The following SCTR variants were observed in gnomAD, a reference collection of about 807,000 sequenced individuals.
SCTR encodes pancreatic secretin receptor.
In SCTR, 56 loss-of-function variants were observed where a neutral mutation model predicts 60.8. The observed-to-expected ratio is 0.92, with a 90% CI of 0.74 to 1.15. The LOEUF (loss-of-function observed/expected upper bound fraction) is 1.15. Ranked by LOEUF, SCTR falls within the 50% of genes most tolerant of loss-of-function variation. SCTR has a pLI of 0.00. For missense variants in SCTR, 562 were observed against 550.4 expected, an observed-to-expected ratio of 1.02 and a Z score of -0.21; for synonymous variants, 202 against 217.0, an observed-to-expected ratio of 0.93 and a Z score of 0.61.
intron 2 of SCTR, chr2:119,485,926 T>C (rs1558867022): frequency 6.6e-6 from 1 of 152,418 alleles, no homozygotes; most frequent in African/African-American, 2.4e-5. Context: ...GGCTCAGCCA[T>C]GGCCCCAGCC....
At chr2:119,462,885 A>G (rs1683672617) in intron 6 of SCTR, among the ~76,000 whole-genome samples, 1 of 152,218 alleles carries the variant, frequency 6.6e-6, no homozygotes, top group Admixed American at 6.5e-5. Flanking sequence ...AATGTTTAGT[A>G]AAACCTGAGA....
chr2:119,466,401 T>C (rs1683835914), intron 4 of SCTR, among the ~76,000 whole-genome samples: 1 of 152,168 alleles, frequency 6.6e-6, no homozygotes, highest in South Asian at 2.1e-4. Context: ...GGCCTGCCAT[T>C]TTTTAATACA....
At chr2:119,452,190 G>A in intron 8 of SCTR, 111 bp from the exon 9 acceptor site, 1 of 687,132 alleles carries the variant, frequency 1.5e-6, no homozygotes, top group South Asian at 1.7e-5. Context: ...CTGTGTTTGT[G>A]GCACTGAGCC....
intron 3 of SCTR, among the ~76,000 whole-genome samples, chr2:119,477,236 G>T (rs1049232716): frequency 2.0e-5 from 3 of 152,152 alleles, no homozygotes; most frequent in African/African-American, 7.2e-5. Context: ...AGTTCTAGCC[G>T]AGGGAATGTG....
In SCTR at chr2:119,524,231, C is replaced by T; in HGVS notation, c.-5G>A. On this transcript the variant is annotated 5_prime_UTR_variant, in exon 1 of 13. Coordinates refer to ENST00000019103, the MANE Select transcript of SCTR (RefSeq NM_002980.3). ...CGGCGACAGGTGGGGACGCATGGTG[C>T]CCGCACGTTCCCCGAGGGCGCCCCG... 1.4e-6 allele frequency: 2 copies of T among 1,454,128 alleles called. No homozygotes were observed. The highest frequency in any genetic ancestry group is 3.0e-5 in the African/African-American group (2 of 67,782). The allele number at this position is 1,454,128 out of a possible 1,614,324, so 90.1% of individuals were successfully genotyped here.
chr2:119,510,465 G>A (rs906837063), intron 1 of SCTR, among the ~76,000 whole-genome samples: 2 of 152,060 alleles, frequency 1.3e-5, no homozygotes, highest in Non-Finnish European at 2.9e-5. Flanking sequence ...TGGCTCCTTG[G>A]AGCAACCACC....
chr2:119,450,047 GAAAA>G (rs202085845), intron 9 of SCTR, among the ~76,000 whole-genome samples: 3 of 117,058 alleles, frequency 2.6e-5, no homozygotes, highest in South Asian at 2.6e-4. Context: ...AAGGAAGAAA[GAAAA>G]AAGAAAGAAA....
intron 4 of SCTR, among the ~76,000 whole-genome samples, chr2:119,473,207 G>A (rs543678156): frequency 2.0e-5 from 3 of 152,264 alleles, no homozygotes; most frequent in East Asian, 1.9e-4. Context: ...GGTGGTATGC[G>A]ACAGTTCCTA....
At chr2:119,446,474 T>G (rs1682931381) in intron 11 of SCTR, among the ~76,000 whole-genome samples, 1 of 152,180 alleles carries the variant, frequency 6.6e-6, no homozygotes, top group Admixed American at 6.6e-5. Flanking sequence ...ACCATGTATA[T>G]GTTATTGAGA....
chr2:119,495,747 C>T (rs185626971), intron 1 of SCTR, among the ~76,000 whole-genome samples: 36 of 152,262 alleles, frequency 2.4e-4, no homozygotes, highest in Non-Finnish European at 4.7e-4. Flanking sequence ...CTCCTCTCCC[C>T]GACTCCATGA....
intron 4 of SCTR, among the ~76,000 whole-genome samples, chr2:119,468,726 G>C (rs539715809): frequency 1.3e-5 from 2 of 152,206 alleles, no homozygotes; most frequent in Non-Finnish European, 2.9e-5. Context: ...AGCTGGCCAC[G>C]TGGGAATGTT....
intron 4 of SCTR, 91 bp downstream of exon 4, chr2:119,473,362 C>G: frequency 1.2e-6 from 1 of 850,186 alleles, no homozygotes; most frequent in Non-Finnish European, 2.0e-6. Context: ...CCTGTGCCAC[C>G]CTGTCCTCTC....
At chr2:119,489,677 G>A (rs781180623) in intron 2 of SCTR, among the ~76,000 whole-genome samples, 8 of 152,198 alleles carry the variant, frequency 5.3e-5, no homozygotes, top group Admixed American at 2.0e-4. Flanking sequence ...GGAAGAAGAT[G>A]GAGAATGGTG....
chr2:119,479,184 C>T (rs1217952950), intron 2 of SCTR: 13 of 978,808 alleles, frequency 1.3e-5, no homozygotes, highest in African/African-American at 1.7e-5. Flanking sequence ...AGAAGGAAGG[C>T]GCCCTCTCCT....
chr2:119,451,013 T>A (rs1175269698), intron 9 of SCTR, among the ~76,000 whole-genome samples: 2 of 151,944 alleles, frequency 1.3e-5, no homozygotes, highest in Non-Finnish European at 2.9e-5. Context: ...TTTGCTCAGA[T>A]TATGTAATTA....
At chr2:119,500,348 T>A (rs906089169) in intron 1 of SCTR, among the ~76,000 whole-genome samples, 4 of 152,172 alleles carry the variant, frequency 2.6e-5, no homozygotes, top group Non-Finnish European at 5.9e-5. Context: ...AACTACCATA[T>A]GATCCAGGAA....
At chr2:119,479,066 A>G (rs1677478162) in intron 2 of SCTR, 148 bp from the exon 3 acceptor site, 4 of 1,470,174 alleles carry the variant, frequency 2.7e-6, no homozygotes, top group African/African-American at 1.4e-5. Context: ...CCTCAGGATC[A>G]GGAACCTATC....
chr2:119,510,718 TA>T (rs944193029), intron 1 of SCTR, among the ~76,000 whole-genome samples: 4 of 146,080 alleles, frequency 2.7e-5, no homozygotes, highest in African/African-American at 1.1e-4. Context: ...TCATTTTTTT[TA>T]AATCCCTTTA....
chr2:119,471,451 A>G (rs1215802612), intron 4 of SCTR, among the ~76,000 whole-genome samples: 1 of 152,278 alleles, frequency 6.6e-6, no homozygotes, highest in Admixed American at 6.5e-5. Context: ...GACCTCGTGT[A>G]TGTTCCCAAT....
Sources: gnomAD v4.1 joint callset for allele counts (sites outside exome capture counted in the v4.1 genomes callset) on GRCh38, gnomAD v4.1.1 for gene constraint, MANE v1.5 for transcripts, NCBI Gene and HGNC (gene_info 2026-07-23, HGNC 2026-07-21) for gene names.